DCDC1: variants seen among roughly 807,000 people sequenced by gnomAD.
DCDC1 encodes the protein doublecortin domain-containing protein 1.
In DCDC1, 200 loss-of-function variants were observed where a neutral mutation model predicts 178.3. The observed-to-expected ratio is 1.12, with a 90% CI of 1.00 to 1.26. The LOEUF (loss-of-function observed/expected upper bound fraction) is 1.26, where lower values mean the gene tolerates loss of function less well. DCDC1 is among the 50% of genes most tolerant of loss of function. The pLI is 0.00. For synonymous variants in DCDC1, 690 were observed against 604.8 expected, an observed-to-expected ratio of 1.14 and a Z score of -2.07; for missense variants, 1,983 against 1,749.2, an observed-to-expected ratio of 1.13 and a Z score of -2.38.
intron 8 of DCDC1, among the ~76,000 whole-genome samples, chr11:31,264,443 G>A (rs921957508): frequency 6.6e-5 from 10 of 152,130 alleles, no homozygotes; most frequent in African/African-American, 2.4e-4. Context: ...AAGAGAGAGG[G>A]AGGCAGAAAG....
intron 20 of DCDC1, among the ~76,000 whole-genome samples, chr11:31,057,549 G>A (rs959256386): frequency 3.9e-5 from 6 of 151,914 alleles, no homozygotes; most frequent in African/African-American, 9.7e-5. Flanking sequence ...GCCATGCTTC[G>A]AAGTAAATTT....
intron 9 of DCDC1, among the ~76,000 whole-genome samples, chr11:31,187,361 C>A (rs534514584): frequency 1.3e-5 from 2 of 152,224 alleles, no homozygotes; most frequent in South Asian, 4.2e-4. Flanking sequence ...ACCTAGCATA[C>A]AGCTGCTCTC....
chr11:31,215,492 T>C (rs1172705632), intron 9 of DCDC1, among the ~76,000 whole-genome samples: 1 of 152,064 alleles, frequency 6.6e-6, no homozygotes, highest in Non-Finnish European at 1.5e-5. Context: ...GCTACTTCTC[T>C]GCCTAAAAAT....
intron 6 of DCDC1, among the ~76,000 whole-genome samples, chr11:31,292,873 A>G (rs887380473): frequency 6.6e-6 from 1 of 151,896 alleles, no homozygotes; most frequent in Non-Finnish European, 1.5e-5. Flanking sequence ...TCACAGGGGA[A>G]AAAAAAATAT....
At chr11:31,116,581 G>A (rs1360087123) in intron 11 of DCDC1, among the ~76,000 whole-genome samples, 11 of 151,938 alleles carry the variant, frequency 7.2e-5, no homozygotes, top group Non-Finnish European at 1.3e-4. Context: ...ATATGATATA[G>A]TATAAATCAA....
intron 9 of DCDC1, among the ~76,000 whole-genome samples, chr11:31,240,413 G>T (rs1269204800): frequency 6.6e-6 from 1 of 151,792 alleles, no homozygotes; most frequent in Non-Finnish European, 1.5e-5. Context: ...AAGTTTTCTT[G>T]GGAAGATGTT....
At chr11:31,251,980 A>G (rs1406117453) in intron 8 of DCDC1, among the ~76,000 whole-genome samples, 1 of 152,188 alleles carries the variant, frequency 6.6e-6, no homozygotes, top group Non-Finnish European at 1.5e-5. Flanking sequence ...AGGCCATGAT[A>G]CAATTAAAGT....
intron 6 of DCDC1, among the ~76,000 whole-genome samples, chr11:31,304,166 CATT>C (rs1473909276): frequency 6.6e-6 from 1 of 152,150 alleles, no homozygotes; most frequent in African/African-American, 2.4e-5. Flanking sequence ...ATGTGTGTGA[CATT>C]ATTATTTCAG....
intron 1 of DCDC1, among the ~76,000 whole-genome samples, chr11:31,341,465 C>T (rs1210080560): frequency 6.6e-6 from 1 of 151,308 alleles, no homozygotes; most frequent in Non-Finnish European, 1.5e-5. Context: ...AACGGGGATA[C>T]GTTCTGAGAA....
At chr11:31,281,593 G>T (rs1423916463) in intron 7 of DCDC1, among the ~76,000 whole-genome samples, 3 of 152,008 alleles carry the variant, frequency 2.0e-5, no homozygotes, top group Admixed American at 2.0e-4. Context: ...GTTTGGCTCT[G>T]TGTCCCCACC....
At chr11:31,191,364 A>G (rs184647748) in intron 9 of DCDC1, among the ~76,000 whole-genome samples, 24 of 152,166 alleles carry the variant, frequency 1.6e-4, no homozygotes, top group African/African-American at 4.8e-4. Flanking sequence ...TCCTTTAATA[A>G]TAACACTTCT....
At chr11:30,915,167 G>C (rs1050144883) in intron 27 of DCDC1, among the ~76,000 whole-genome samples, 1 of 152,094 alleles carries the variant, frequency 6.6e-6, no homozygotes, top group African/African-American at 2.4e-5. Context: ...TTTGAAAATT[G>C]GGGACGTTTT....
Position 31,285,573 on chromosome 11 carries a change from T to C in DCDC1, c.960+5074A>G, listed in dbSNP as rs527519495. Among the ~76,000 whole-genome samples, 5 of 152,302 alleles carry C rather than the reference T, an allele frequency of 3.3e-5. No homozygotes were observed. In the South Asian group the frequency reaches 1.0e-3, roughly 32 times the overall value. On this transcript the variant is annotated intron_variant, in intron 7 of 38. Transcript: ENST00000684477. ...GTACCATTATATTGTGTTATTTCAA[T>C]TGAATTGGGCCTTTCTTAAGCTTGA...
At chr11:31,003,105 TAATCTAGATTTCCA>T (rs1951664051) in intron 20 of DCDC1, among the ~76,000 whole-genome samples, 1 of 150,976 alleles carries the variant, frequency 6.6e-6, no homozygotes, top group Non-Finnish European at 1.5e-5. Context: ...TATATATATA[TAATCTAGATTTCCA>T]TATATAGATT....
intron 20 of DCDC1, among the ~76,000 whole-genome samples, chr11:30,996,021 G>T (rs1272870189): frequency 6.6e-6 from 1 of 152,118 alleles, no homozygotes; most frequent in Non-Finnish European, 1.5e-5. Context: ...TCATGTATCT[G>T]ATAAATGACT....
intron 20 of DCDC1, among the ~76,000 whole-genome samples, chr11:30,970,732 G>A (rs1009641158): frequency 6.6e-6 from 1 of 152,154 alleles, no homozygotes; most frequent in Non-Finnish European, 1.5e-5. Flanking sequence ...GCCCTCCCCA[G>A]TAGCAGGGCC....
chr11:31,272,966 T>C (rs1239905362), intron 7 of DCDC1, among the ~76,000 whole-genome samples: 2 of 152,206 alleles, frequency 1.3e-5, no homozygotes, highest in African/African-American at 2.4e-5. Context: ...TCTGAAGCCA[T>C]GGCCTGAACT....
rs577894668 is a variant in DCDC1 at position 31,307,395 on chromosome 11, C to G, written c.434+244G>C. 23 of 493,546 alleles carry G rather than the reference C, an allele frequency of 4.7e-5. No homozygotes were observed. In the East Asian group the frequency reaches 7.3e-4, roughly 16 times the overall value. 30.6% of individuals were successfully genotyped at this position (493,546 alleles called of 1,614,324 possible). Reference sequence around the variant, plus strand: ...GATATTTCATGATCCTAGCCTGATTCTGCTTCAAATATTCTTTTCAGAGTT... The same window carrying G: ...GATATTTCATGATCCTAGCCTGATTGTGCTTCAAATATTCTTTTCAGAGTT... On this transcript the variant is annotated intron_variant, in intron 4 of 38. Coordinates refer to ENST00000684477, the MANE Select transcript of DCDC1 (RefSeq NM_001387274.1).
chr11:31,118,696 T>C (rs548451627), intron 11 of DCDC1, among the ~76,000 whole-genome samples: 1 of 152,332 alleles, frequency 6.6e-6, no homozygotes, highest in Admixed American at 6.5e-5. Context: ...GTTCAGTGGT[T>C]GCATTTAGTC....
Sources: allele counts gnomAD v4.1 joint callset (sites outside exome capture counted in the v4.1 genomes callset), GRCh38; gene constraint gnomAD v4.1.1; transcripts MANE v1.5; gene names NCBI Gene and HGNC (gene_info 2026-07-23, HGNC 2026-07-21).